Variants in MED12L observed in about 807,000 individuals in gnomAD.
MED12L encodes the protein mediator of RNA polymerase II transcription subunit 12-like protein.
MED12L carries 60 observed loss-of-function variants against 281.3 expected under a neutral mutation model. The ratio of observed to expected loss-of-function variants is 0.21; its 90% CI spans 0.17 to 0.26. The LOEUF is 0.26. Among genes scored for constraint, MED12L ranks in the 10% least tolerant of loss-of-function variants. The pLI, the probability that MED12L is intolerant of heterozygous loss-of-function variation, is 1.00. For missense variants in MED12L, 2,146 were observed against 2,680.9 expected, an observed-to-expected ratio of 0.80 and a Z score of 4.41; for synonymous variants, 974 against 987.2, an observed-to-expected ratio of 0.99 and a Z score of 0.25.
intron 3 of MED12L, among the ~76,000 whole-genome samples, chr3:151,118,180 T>G (rs1436418251): frequency 6.6e-6 from 1 of 151,842 alleles, no homozygotes; most frequent in Admixed American, 6.6e-5. Context: ...TATTTTGAGT[T>G]GGATGTTAAA....
At chr3:151,203,304 A>G (rs1031756695) in intron 16 of MED12L, 1 of 152,130 alleles carries the variant, frequency 6.6e-6, no homozygotes, top group Non-Finnish European at 1.5e-5. Flanking sequence ...TAACTTTATG[A>G]AAGTCTCCTA....
chr3:151,293,459 G>T (rs891197721), intron 16 of MED12L, among the ~76,000 whole-genome samples: 1 of 152,058 alleles, frequency 6.6e-6, no homozygotes, highest in Non-Finnish European at 1.5e-5. Context: ...AGGAGTGGGG[G>T]TGAGGCATGA....
At position 151,192,620 on chromosome 3, in the gene MED12L, G is replaced by A; in HGVS notation, c.2039G>A (p.Ser680Asn). The part of the protein sequence containing the change: ...TTNIFDEVDK[S>N]DFKTDFGSEF... ...AACATTTTTGATGAAGTAGACAAGA[G>A]TGACTTTAAAACTGACTTTGGTTCG... is the stretch of plus-strand genomic sequence containing the variant. Residue 680 changes from serine to asparagine, a missense_variant, in exon 15 of 45, where the codon AGT becomes AAT. Coordinates refer to ENST00000687756, the MANE Select transcript of MED12L (RefSeq NM_001393769.1). 6.5e-7 allele frequency: 1 copy of A among 1,536,400 alleles called. No individual in the cohort carries two copies. The highest frequency in any genetic ancestry group is 8.7e-7 in the Non-Finnish European group (1 of 1,146,818).
intron 16 of MED12L, among the ~76,000 whole-genome samples, chr3:151,261,203 G>A (rs1057166569): frequency 7.2e-5 from 11 of 152,094 alleles, no homozygotes; most frequent in African/African-American, 2.7e-4. Flanking sequence ...GAATGAGACA[G>A]ATTAGAGAGG....
chr3:151,226,679 G>T (rs114156015), intron 16 of MED12L, among the ~76,000 whole-genome samples: 3,340 of 151,816 alleles, frequency 0.022, 56 homozygotes, highest in Non-Finnish European at 0.035. Context: ...TTTTGTTTTT[G>T]ATCTGAGTTT....
intron 5 of MED12L, among the ~76,000 whole-genome samples, chr3:151,141,187 G>GTTTTTTTTTTTT (rs76965310): frequency 3.0e-5 from 3 of 99,104 alleles, no homozygotes; most frequent in Admixed American, 1.1e-4. Context: ...TGTTTTTTTT[G>GTTTTTTTTTTTT]TTTTTTTTTT....
chr3:151,145,022 T>C (rs1317340493), intron 5 of MED12L, among the ~76,000 whole-genome samples: 1 of 152,250 alleles, frequency 6.6e-6, no homozygotes, highest in Non-Finnish European at 1.5e-5. Flanking sequence ...GCCCTCGCTC[T>C]GTGCCAGTCA....
At chr3:151,425,619 G>A (rs1191931357) in intron 43 of MED12L, 5 of 456,028 alleles carry the variant, frequency 1.1e-5, no homozygotes, top group African/African-American at 2.0e-5. Context: ...GGTATTTCCT[G>A]GAGAAGTGGT....
intron 5 of MED12L, among the ~76,000 whole-genome samples, chr3:151,146,810 C>CCCCTCCTCCTTTTCTCT (rs1717816398): frequency 6.6e-6 from 1 of 151,984 alleles, no homozygotes; most frequent in Non-Finnish European, 1.5e-5. Flanking sequence ...CCCATCCCCA[C>CCCCTCCTCCTTTTCTCT]CCCTCCTCCT....
At chr3:151,102,189 C>A (rs11919212) in intron 2 of MED12L, among the ~76,000 whole-genome samples, 3 of 151,906 alleles carry the variant, frequency 2.0e-5, no homozygotes, top group Admixed American at 1.3e-4. Context: ...ACTGCTTGTC[C>A]TGTGCTTTAA....
chr3:151,243,419 C>T (rs1345873751), intron 16 of MED12L, among the ~76,000 whole-genome samples: 83 of 144,404 alleles, frequency 5.7e-4, no homozygotes, highest in East Asian at 1.0e-3. Context: ...GCGGATCTCT[C>T]GGCAGAAACC....
intron 11 of MED12L, among the ~76,000 whole-genome samples, chr3:151,180,449 G>A (rs965004796): frequency 6.6e-6 from 1 of 152,152 alleles, no homozygotes; most frequent in African/African-American, 2.4e-5. Flanking sequence ...GCATTTTGAG[G>A]ATAGGGACAA....
Position 151,300,175 on chromosome 3 carries a change from C to T in MED12L, c.2251-49884C>T, listed in dbSNP as rs551848781. The T allele has an allele frequency of 2.0e-5, 20 of 988,488 alleles. No individual in the cohort carries two copies. The East Asian group carries it at 3.8e-4, about 19-fold the overall frequency. The allele number at this position is 988,488 out of a possible 1,614,324, so 61.2% of individuals were successfully genotyped here. On this transcript the variant is annotated intron_variant, in intron 16 of 44. Coordinates refer to ENST00000687756, the MANE Select transcript of MED12L (RefSeq NM_001393769.1). The stretch of plus-strand genomic sequence containing the variant: ...GGGGACGATTGAGGCGTGGGTTCAG[C>T]ATAGGTTATTCCTGGTTTGATTTCT...
chr3:151,161,496 C>T (rs577122294), intron 8 of MED12L, among the ~76,000 whole-genome samples: 20 of 152,054 alleles, frequency 1.3e-4, no homozygotes, highest in Admixed American at 9.8e-4. Flanking sequence ...TGGAGGAGAC[C>T]GGGAAGGTTG....
At chr3:151,287,941 A>G (rs568583484) in intron 16 of MED12L, among the ~76,000 whole-genome samples, 79 of 152,326 alleles carry the variant, frequency 5.2e-4, no homozygotes, top group African/African-American at 1.9e-3. Context: ...TTTGTGATTA[A>G]TAGAAGCGGC....
At chr3:151,245,595 A>G (rs1351377326) in intron 16 of MED12L, among the ~76,000 whole-genome samples, 1,301 of 107,638 alleles carry the variant, frequency 0.012, no homozygotes, top group African/African-American at 0.036. Flanking sequence ...ACTCTCAATA[A>G]ATTAGGTATT....
At chr3:151,113,977 G>A (rs759674635) in intron 2 of MED12L, among the ~76,000 whole-genome samples, 9 of 152,174 alleles carry the variant, frequency 5.9e-5, no homozygotes, top group Non-Finnish European at 1.3e-4. Flanking sequence ...GTTACTCAAT[G>A]TTTCTTATAA....
chr3:151,301,924 A>T (rs1472629288), intron 16 of MED12L, among the ~76,000 whole-genome samples: 1 of 152,224 alleles, frequency 6.6e-6, no homozygotes, highest in Non-Finnish European at 1.5e-5. Flanking sequence ...AGAAATGAAA[A>T]CTTATGTCCA....
intron 2 of MED12L, among the ~76,000 whole-genome samples, chr3:151,103,061 A>G (rs766697696): frequency 2.6e-5 from 4 of 152,228 alleles, no homozygotes; most frequent in Non-Finnish European, 5.9e-5. Context: ...TTTGTTATGT[A>G]AGATTGCAAT....
Sources: gnomAD v4.1 joint callset for allele counts (sites outside exome capture counted in the v4.1 genomes callset) on GRCh38, gnomAD v4.1.1 for gene constraint, MANE v1.5 for transcripts, NCBI Gene and HGNC (gene_info 2026-07-23, HGNC 2026-07-21) for gene names.